Variants in SHOC2 observed in about 807,000 individuals in gnomAD.
The protein encoded by SHOC2 is SHOC2 leucine rich repeat scaffold protein.
A neutral mutation model predicts 50.2 loss-of-function variants in SHOC2; 4 were observed. That is an observed-to-expected ratio of 0.08 (90% CI 0.04 to 0.18). The LOEUF is 0.18. SHOC2 is among the 10% of genes least tolerant of loss of function. SHOC2 has a pLI of 1.00. For synonymous variants in SHOC2, 218 were observed against 244.5 expected (o/e 0.89, Z 1.01); for missense variants, 388 against 669.6 (o/e 0.58, Z 4.64).
chr10:110,953,592 T>A (rs1322735122), intron 1 of SHOC2, among the ~76,000 whole-genome samples: 1 of 152,200 alleles, frequency 6.6e-6, no homozygotes, highest in Non-Finnish European at 1.5e-5. Context: ...CATAAACATC[T>A]GTGTACAAGT....
intron 1 of SHOC2, among the ~76,000 whole-genome samples, chr10:110,927,987 A>G (rs997935860): frequency 3.9e-5 from 6 of 152,206 alleles, no homozygotes; most frequent in African/African-American, 1.4e-4. Flanking sequence ...CTTGTGTACA[A>G]TACTTAAAGC....
chr10:110,943,021 T>G (rs1847179062), intron 1 of SHOC2, among the ~76,000 whole-genome samples: 1 of 152,196 alleles, frequency 6.6e-6, no homozygotes, highest in South Asian at 2.1e-4. Flanking sequence ...GAAGAATTCT[T>G]TCTGTCTGTC....
intron 3 of SHOC2, chr10:110,988,975 G>A (rs777447592): frequency 3.1e-5 from 16 of 518,086 alleles, no homozygotes; most frequent in Non-Finnish European, 4.7e-5. Flanking sequence ...TACTTTTAAA[G>A]GCAAAAACTG....
chr10:110,970,801 G>A (rs1436319843), intron 2 of SHOC2, among the ~76,000 whole-genome samples: 1 of 149,408 alleles, frequency 6.7e-6, no homozygotes, highest in African/African-American at 2.5e-5. Flanking sequence ...TTGTACTTTC[G>A]ATTTTCATTC....
At chr10:110,957,830 T>A (rs1020818043) in intron 1 of SHOC2, among the ~76,000 whole-genome samples, 1 of 152,228 alleles carries the variant, frequency 6.6e-6, no homozygotes, top group East Asian at 1.9e-4. Context: ...CTCTGGTCTA[T>A]GTCCTCATAC....
intron 1 of SHOC2, among the ~76,000 whole-genome samples, chr10:110,930,638 A>C (rs1276051276): frequency 1.3e-5 from 2 of 151,824 alleles, no homozygotes; most frequent in Non-Finnish European, 2.9e-5. Context: ...ATGGGAAATG[A>C]AAAGTAAAGT....
At chr10:110,994,150 G>A (rs1326128831) in intron 3 of SHOC2, among the ~76,000 whole-genome samples, 1 of 152,096 alleles carries the variant, frequency 6.6e-6, no homozygotes, top group East Asian at 1.9e-4. Context: ...TTTATCTGCA[G>A]CTGCATACAG....
At chr10:110,971,688 CTT>C (rs959227663) in intron 2 of SHOC2, among the ~76,000 whole-genome samples, 2 of 151,928 alleles carry the variant, frequency 1.3e-5, no homozygotes, top group African/African-American at 4.8e-5. Flanking sequence ...CATGGAATGT[CTT>C]TCCATTTTTT....
intron 1 of SHOC2, among the ~76,000 whole-genome samples, chr10:110,923,052 A>G (rs1846685746): frequency 6.6e-6 from 1 of 152,128 alleles, no homozygotes; most frequent in Non-Finnish European, 1.5e-5. Flanking sequence ...ATTAATGGAC[A>G]TATATCATCT....
chr10:110,919,736 G>T (rs1282977256), intron 1 of SHOC2, 79 bp downstream of exon 1: 3 of 396,890 alleles, frequency 7.6e-6, no homozygotes, highest in Non-Finnish European at 1.3e-5. Flanking sequence ...GGGCAGTCGG[G>T]CTGGCTGTCG....
At chr10:110,919,421 T>C (rs1846551457), upstream of SHOC2, 2 of 392,338 alleles carry the variant, frequency 5.1e-6, no homozygotes, top group Non-Finnish European at 9.0e-6. Flanking sequence ...CGTCTCTGAT[T>C]GGGCAGCTTC....
At chr10:110,920,692 T>A (rs1374403223) in intron 1 of SHOC2, among the ~76,000 whole-genome samples, 1 of 152,244 alleles carries the variant, frequency 6.6e-6, no homozygotes, top group African/African-American at 2.4e-5. Context: ...TTTTCTTGTC[T>A]GTTGCTTTGT....
intron 1 of SHOC2, among the ~76,000 whole-genome samples, chr10:110,923,917 T>C (rs575650451): frequency 6.6e-6 from 1 of 152,272 alleles, no homozygotes; most frequent in East Asian, 1.9e-4. Context: ...AAGATAAATA[T>C]TTTTTTCTTT....
intron 1 of SHOC2, among the ~76,000 whole-genome samples, chr10:110,937,669 C>T (rs1477523095): frequency 6.6e-6 from 1 of 152,130 alleles, no homozygotes; most frequent in Non-Finnish European, 1.5e-5. Flanking sequence ...ATTAAGATAA[C>T]TTTAAGGGAT....
Position 110,956,307 on chromosome 10 carries a change from G to A in SHOC2, c.-234-7818G>A, listed in dbSNP as rs369526712. 3.2e-3 allele frequency among the ~76,000 whole-genome samples: 486 copies of A among 152,058 alleles called. 26 individuals are homozygous for A. The South Asian group carries it at 0.093, about 29-fold the overall frequency. ...CGGCTCACTGCAACCTCCGCCTCCC[G>A]GGTTCAAGTGATTCTCCTGCTCAGT... On this transcript the variant is annotated intron_variant, in intron 1 of 8. Coordinates refer to ENST00000369452, the MANE Select transcript of SHOC2 (RefSeq NM_007373.4).
At chr10:110,969,454 A>G (rs1242307543) in intron 2 of SHOC2, among the ~76,000 whole-genome samples, 1 of 152,196 alleles carries the variant, frequency 6.6e-6, no homozygotes, top group Non-Finnish European at 1.5e-5. Flanking sequence ...GGGCCACCAG[A>G]TAGACAGTTT....
At chr10:110,994,877 A>T (rs1166672570) in intron 3 of SHOC2, among the ~76,000 whole-genome samples, 1 of 152,216 alleles carries the variant, frequency 6.6e-6, no homozygotes, top group African/African-American at 2.4e-5. Flanking sequence ...TTCCCGGCTG[A>T]TACCTAAGCA....
intron 1 of SHOC2, among the ~76,000 whole-genome samples, chr10:110,957,154 T>C (rs547094459): frequency 6.6e-6 from 1 of 152,348 alleles, no homozygotes; most frequent in Admixed American, 6.5e-5. Context: ...GTTGTAGTAT[T>C]GTTCCATGCT....
At chr10:110,990,460 C>G (rs1848161642) in intron 3 of SHOC2, among the ~76,000 whole-genome samples, 2 of 151,806 alleles carry the variant, frequency 1.3e-5, no homozygotes, top group African/African-American at 2.4e-5. Flanking sequence ...CACTCTGTAT[C>G]TAGCTGCTCT....
Sources: allele counts gnomAD v4.1 joint callset (sites outside exome capture counted in the v4.1 genomes callset), GRCh38; gene constraint gnomAD v4.1.1; transcripts MANE v1.5; gene names NCBI Gene and HGNC (gene_info 2026-07-23, HGNC 2026-07-21).